The following SAE1 variants were observed in gnomAD, a reference collection of about 807,000 sequenced individuals.
SAE1 encodes SUMO1 activating enzyme subunit 1.
SAE1 carries 11 observed loss-of-function variants against 40.6 expected under a neutral mutation model. The ratio of observed to expected loss-of-function variants is 0.27; its 90% CI spans 0.17 to 0.45. The LOEUF (loss-of-function observed/expected upper bound fraction) is 0.45. SAE1 is among the 20% of genes least tolerant of loss of function. The probability of loss-of-function intolerance (pLI) is 1.00; values close to 1 mark genes in which losing one functional copy is unlikely to be tolerated. For missense variants in SAE1, 373 were observed against 427.3 expected (o/e 0.87, Z 1.12); for synonymous variants, 155 against 154.3 (o/e 1.00, Z -0.03).
rs766582268 is a variant in SAE1, at chr19:47,143,472, G to A, written c.99-22G>A. ...CAAGCTCACTGTTCTGTATCATCAG[G>A]TTAACAATGTTTGTCTTACAGGCTG... is the stretch of plus-strand genomic sequence containing the variant. On this transcript the variant is annotated intron_variant, in intron 1 of 8. Coordinates refer to ENST00000270225, the MANE Select transcript of SAE1 (RefSeq NM_005500.3). 4 of 1,572,574 alleles carry A rather than the reference G, an allele frequency of 2.5e-6. No homozygotes were observed. The South Asian group carries it at 3.3e-5, about 13-fold the overall frequency.
intron 5 of SAE1, among the ~76,000 whole-genome samples, chr19:47,166,366 G>A (rs2058392352): frequency 6.6e-6 from 1 of 152,174 alleles, no homozygotes; most frequent in African/African-American, 2.4e-5. Flanking sequence ...GGCCTTCCAG[G>A]TGGTTATGAA....
At chr19:47,155,787 C>G (rs915249419) in intron 5 of SAE1, among the ~76,000 whole-genome samples, 3 of 138,028 alleles carry the variant, frequency 2.2e-5, no homozygotes, top group Non-Finnish European at 4.6e-5. Context: ...CTTGCTGTGT[C>G]CAGGCTGGAG....
chr19:47,171,949 T>C (rs1490533422), intron 6 of SAE1, among the ~76,000 whole-genome samples: 1 of 152,088 alleles, frequency 6.6e-6, no homozygotes, highest in Non-Finnish European at 1.5e-5. Context: ...AGACGGAGTC[T>C]CACTCTGTCA....
intron 6 of SAE1, among the ~76,000 whole-genome samples, chr19:47,185,172 T>TA (rs1427055082): frequency 6.6e-5 from 10 of 152,226 alleles, no homozygotes; most frequent in African/African-American, 2.2e-4. Flanking sequence ...AACATGTGTC[T>TA]AAAATCTCTG....
At chr19:47,173,486 T>C (rs976531934) in intron 6 of SAE1, among the ~76,000 whole-genome samples, 4 of 152,130 alleles carry the variant, frequency 2.6e-5, no homozygotes, top group African/African-American at 9.7e-5. Context: ...ATGACCCCTG[T>C]GATGTTGAGA....
chr19:47,181,780 C>CTTTTT (rs36107839), intron 6 of SAE1, among the ~76,000 whole-genome samples: 15 of 96,516 alleles, frequency 1.6e-4, no homozygotes, highest in East Asian at 6.1e-4. Flanking sequence ...CACCTGGCCT[C>CTTTTT]TTTTTTTTTT....
At chr19:47,147,208 T>G (rs945131329) in intron 2 of SAE1, among the ~76,000 whole-genome samples, 3 of 135,864 alleles carry the variant, frequency 2.2e-5, no homozygotes, top group Non-Finnish European at 3.2e-5. Context: ...GGTTTTTTTT[T>G]TTTTTTTTTT....
intron 5 of SAE1, among the ~76,000 whole-genome samples, chr19:47,161,644 T>C (rs1045034328): frequency 6.6e-6 from 1 of 152,216 alleles, no homozygotes; most frequent in Non-Finnish European, 1.5e-5. Flanking sequence ...AAATTAAGAA[T>C]GATTTCGCTC....
intron 1 of SAE1, among the ~76,000 whole-genome samples, chr19:47,133,584 A>G (rs1314087461): frequency 6.6e-6 from 1 of 152,226 alleles, no homozygotes; most frequent in African/African-American, 2.4e-5. Context: ...AAATGGAAGT[A>G]AAGATTCTGG....
intron 8 of SAE1, among the ~76,000 whole-genome samples, chr19:47,207,431 T>G (rs1326078238): frequency 1.3e-5 from 2 of 152,180 alleles, no homozygotes; most frequent in Non-Finnish European, 2.9e-5. Flanking sequence ...CTGGGAACCG[T>G]TAAACCCTGC....
intron 6 of SAE1, among the ~76,000 whole-genome samples, chr19:47,173,467 C>T (rs1201311677): frequency 6.6e-6 from 1 of 152,156 alleles, no homozygotes; most frequent in Non-Finnish European, 1.5e-5. Flanking sequence ...GTTTTGTCCC[C>T]TCAGTTCAAT....
chr19:47,168,441 C>T (rs2058409383), intron 5 of SAE1, among the ~76,000 whole-genome samples: 1 of 151,724 alleles, frequency 6.6e-6, no homozygotes, highest in Admixed American at 6.6e-5. Flanking sequence ...GAAGCTGGTA[C>T]CACAGGTGCA....
intron 6 of SAE1, among the ~76,000 whole-genome samples, chr19:47,180,593 A>G (rs752211028): frequency 3.9e-5 from 6 of 152,160 alleles, no homozygotes; most frequent in Non-Finnish European, 7.4e-5. Flanking sequence ...AGGCTGAGGC[A>G]AATTGATCAC....
At chr19:47,154,891 C>G (rs1356667364) in intron 4 of SAE1, among the ~76,000 whole-genome samples, 1 of 152,148 alleles carries the variant, frequency 6.6e-6, no homozygotes, top group African/African-American at 2.4e-5. Context: ...GTGTGCTGAG[C>G]AACTTACGCT....
At chr19:47,151,304 C>T (rs926817410) in intron 3 of SAE1, among the ~76,000 whole-genome samples, 3 of 151,654 alleles carry the variant, frequency 2.0e-5, no homozygotes, top group Admixed American at 1.3e-4. Flanking sequence ...CACTCACCAC[C>T]ATGCTGGGCT....
rs137986243 is a variant in SAE1 at position 47,165,014 on chromosome 19, A to T, written c.628-4804A>T. On this transcript the variant is annotated intron_variant, in intron 5 of 8. Transcript: ENST00000270225. ...ATTGGCCAGGCTGGTCTCGAACTCC[A>T]GACCTTGTGATCCACTCACCTTGGC... Among the ~76,000 whole-genome samples the T allele has an allele frequency of 9.8e-3, 1,377 of 140,236 alleles. 21 individuals are homozygous for T. The highest frequency in any genetic ancestry group is 0.034 in the African/African-American group (1,286 of 37,552). 92.0% of individuals were successfully genotyped at this position (140,236 alleles called of 152,430 possible). A position where few individuals can be genotyped will look rare whatever the true frequency, so the allele number is the denominator to read the frequency against.
chr19:47,167,872 C>T (rs2058404366), intron 5 of SAE1, among the ~76,000 whole-genome samples: 1 of 152,094 alleles, frequency 6.6e-6, no homozygotes, highest in South Asian at 2.1e-4. Flanking sequence ...CTATCTTAAA[C>T]TTCTTAAGGG....
chr19:47,150,173 A>G, intron 2 of SAE1, 29 bp from the exon 3 acceptor site: 2 of 1,449,382 alleles, frequency 1.4e-6, no homozygotes, highest in South Asian at 1.4e-5. Flanking sequence ...AAAATACAAG[A>G]CTTAAAAAAA....
chr19:47,206,157 G>T (rs2058685681), intron 8 of SAE1, among the ~76,000 whole-genome samples: 2 of 152,224 alleles, frequency 1.3e-5, no homozygotes, highest in African/African-American at 4.8e-5. Flanking sequence ...GCTGGAGACA[G>T]CTGGTGCCCA....
Sources: gnomAD v4.1 joint callset for allele counts (sites outside exome capture counted in the v4.1 genomes callset) on GRCh38, gnomAD v4.1.1 for gene constraint, MANE v1.5 for transcripts, NCBI Gene and HGNC (gene_info 2026-07-23, HGNC 2026-07-21) for gene names.